Variants in DIP2C observed in about 807,000 individuals in gnomAD.
DIP2C encodes the protein disco-interacting protein 2 homolog C.
DIP2C carries 33 observed loss-of-function variants against 192.4 expected under a neutral mutation model. That is an observed-to-expected ratio of 0.17 (90% CI 0.13 to 0.23). The LOEUF (loss-of-function observed/expected upper bound fraction) is 0.23, where lower values mean the gene tolerates loss of function less well. Ranked by LOEUF, DIP2C falls within the 10% of genes least tolerant of loss-of-function variation. The probability of loss-of-function intolerance (pLI) is 1.00; values close to 1 mark genes in which losing one functional copy is unlikely to be tolerated. For synonymous variants in DIP2C, 979 were observed against 864.1 expected (o/e 1.13, Z -2.33); for missense variants, 1,537 against 2,110.1 (o/e 0.73, Z 5.32).
chr10:610,548 CTGAAAATATGTACATATATTA>C (rs1853022721), intron 1 of DIP2C, among the ~76,000 whole-genome samples: 1 of 152,350 alleles, frequency 6.6e-6, no homozygotes, highest in South Asian at 2.1e-4. Context: ...CACATGCACC[CTGAAAATATGTACATATATTA>C]TGTATCAACA....
chr10:491,393 GCT>G (rs1305395413), intron 1 of DIP2C, among the ~76,000 whole-genome samples: 1 of 152,228 alleles, frequency 6.6e-6, no homozygotes, highest in African/African-American at 2.4e-5. Context: ...TGGTGCTGCT[GCT>G]CTGAGCCTAT....
At chr10:285,741 G>A (rs554527159) in intron 34 of DIP2C, among the ~76,000 whole-genome samples, 15 of 152,368 alleles carry the variant, frequency 9.8e-5, no homozygotes, top group African/African-American at 3.6e-4. Context: ...CCGCCAGTGC[G>A]GAGGGGCACA....
intron 18 of DIP2C, 38 bp from the exon 19 acceptor site, chr10:366,449 G>A (rs1960220238): frequency 1.9e-6 from 3 of 1,612,912 alleles, no homozygotes; most frequent in African/African-American, 2.7e-5. Flanking sequence ...GTGTGAGAGG[G>A]GGCAGGTGGG....
chr10:277,163 C>T lies in DIP2C; in HGVS notation c.*162G>A, dbSNP rs760148791. 6.0e-5 allele frequency: 62 copies of T among 1,041,560 alleles called. No individual in the cohort carries two copies. The highest frequency in any genetic ancestry group is 2.2e-4 in the Admixed American group (8 of 36,462). The allele number at this position is 1,041,560 out of a possible 1,614,324, so 64.5% of individuals were successfully genotyped here. On this transcript the variant is annotated 3_prime_UTR_variant, in exon 37 of 37. Coordinates refer to ENST00000280886, the MANE Select transcript of DIP2C (RefSeq NM_014974.3). ...ATTCACATTTCACCCCCATGCCAAT[C>T]GTGGCTGCTGTGAGAAGTCCTCTTC...
chr10:578,125 C>G (rs79939472), intron 1 of DIP2C, among the ~76,000 whole-genome samples: 1,607 of 152,282 alleles, frequency 0.011, 31 homozygotes, highest in African/African-American at 0.037. Flanking sequence ...TACTCGAAAG[C>G]TCTCTATTCT....
rs570454975 is a variant in DIP2C at position 504,488 on chromosome 10, G to A, written c.86-17958C>T. Among the ~76,000 whole-genome samples the A allele has an allele frequency of 2.8e-4, 43 of 152,296 alleles. 1 individual carries two copies. In the South Asian group the frequency reaches 6.8e-3, roughly 24 times the overall value. On this transcript the variant is annotated intron_variant, in intron 1 of 36. Transcript: ENST00000280886. Reference sequence around the variant, plus strand: ...ATCCCTAGCACAGCCACCTTAGGCCGGGAGAGCGAGGATGGGACTCAGAAG... The same window carrying A: ...ATCCCTAGCACAGCCACCTTAGGCCAGGAGAGCGAGGATGGGACTCAGAAG...
At chr10:422,676 A>C in intron 5 of DIP2C, 148 bp downstream of exon 5, 1 of 954,178 alleles carries the variant, frequency 1.0e-6, no homozygotes, top group Non-Finnish European at 1.5e-6. Flanking sequence ...CAGCTTCCAG[A>C]AACAATCCAG....
rs558120711 is a variant in DIP2C at position 622,620 on chromosome 10, CGCCGATGGGCCAAT to C, written c.85+66860_85+66873del. 4.5e-3 allele frequency among the ~76,000 whole-genome samples: 687 copies of C among 152,288 alleles called. 10 individuals carry two copies. Among genetic ancestry groups the C allele is most frequent in the African/African-American group, 0.015 (626 of 41,560 alleles). ...CCTAAAGCACCATGCCTTGCCCTTT[CGCCGATGGGCCAAT>C]GCCTCTCTATGCTTGAGTCCATTTG... is the stretch of plus-strand genomic sequence containing the variant. On this transcript the variant is annotated intron_variant, in intron 1 of 36. Transcript: ENST00000280886.
intron 1 of DIP2C, among the ~76,000 whole-genome samples, chr10:577,778 G>A (rs1038894919): frequency 6.6e-6 from 1 of 151,928 alleles, no homozygotes; most frequent in Non-Finnish European, 1.5e-5. Flanking sequence ...ACTTGGCTGA[G>A]ACTAAACCCA....
chr10:400,247 TC>T lies in DIP2C; in HGVS notation c.1150-1029del, dbSNP rs368361493. 1.3e-4 allele frequency among the ~76,000 whole-genome samples: 20 copies of T among 152,262 alleles called. No homozygotes were observed. The East Asian group carries it at 3.3e-3, about 25-fold the overall frequency. On this transcript the variant is annotated intron_variant, in intron 9 of 36. Coordinates refer to ENST00000280886, the MANE Select transcript of DIP2C (RefSeq NM_014974.3). The stretch of plus-strand genomic sequence containing the variant: ...TATGTTGCCCAGGCTGGCCTCAAAC[TC>T]CTGGCCTCAAGCGATTCTCCTGCCT...
At position 387,860 on chromosome 10, in the gene DIP2C, A is replaced by C. The variant is rs1249960678; in HGVS notation, c.1598-51T>G. ...TTTTTACTTAGGACAGGGCGGCAAC[A>C]GATCAAAATGCAAACAAAATCCAAT... On this transcript the variant is annotated intron_variant, in intron 13 of 36. Coordinates refer to ENST00000280886, the MANE Select transcript of DIP2C (RefSeq NM_014974.3). The C allele has an allele frequency of 1.9e-6, 3 of 1,578,208 alleles. No homozygotes were observed. The African/African-American group carries it at 4.0e-5, about 21-fold the overall frequency.
intron 22 of DIP2C, among the ~76,000 whole-genome samples, chr10:358,558 C>T (rs1404709821): frequency 2.1e-5 from 2 of 93,716 alleles, no homozygotes; most frequent in South Asian, 5.4e-4. Context: ...TATCCATGAG[C>T]GATGAGATGA....
At chr10:314,375 A>G (rs1956686882) in intron 31 of DIP2C, among the ~76,000 whole-genome samples, 1 of 152,042 alleles carries the variant, frequency 6.6e-6, no homozygotes, top group Non-Finnish European at 1.5e-5. Context: ...GCCTCTTCCC[A>G]TCTTTCCTGA....
At chr10:357,218 G>A (rs138038739) in intron 23 of DIP2C, among the ~76,000 whole-genome samples, 3 of 152,232 alleles carry the variant, frequency 2.0e-5, no homozygotes, top group Non-Finnish European at 2.9e-5. Context: ...AATGGGGACC[G>A]TGGACGCACA....
chr10:488,933 G>C (rs914189174), intron 1 of DIP2C, among the ~76,000 whole-genome samples: 5 of 152,212 alleles, frequency 3.3e-5, no homozygotes, highest in African/African-American at 9.7e-5. Flanking sequence ...GACGCAGAGA[G>C]ACCTGCAGGT....
At chr10:662,002 C>T in intron 1 of DIP2C, 1 of 712,674 alleles carries the variant, frequency 1.4e-6, no homozygotes. Context: ...CTCTCCTCCT[C>T]TCGCCATGGC....
intron 1 of DIP2C, among the ~76,000 whole-genome samples, chr10:679,436 C>T (rs113855479): frequency 0.68 from 15,834 of 23,448 alleles, 6,894 homozygotes; most frequent in Non-Finnish European, 0.91. Flanking sequence ...CATCTGTACT[C>T]CCCACACCCA....
intron 1 of DIP2C, among the ~76,000 whole-genome samples, chr10:538,302 G>A (rs1412330163): frequency 6.6e-6 from 1 of 152,002 alleles, no homozygotes; most frequent in Non-Finnish European, 1.5e-5. Context: ...GACTACAGGT[G>A]TGCACCACCA....
In DIP2C at chr10:559,024, A is replaced by T. The variant is rs373102669; in HGVS notation, c.86-72494T>A. ...TGGGGCCAAGGAGTGGTTTCCAAGG[A>T]ATCTCAGAGGTTTTCAAGGTCTTGC... On this transcript the variant is annotated intron_variant, in intron 1 of 36. Coordinates refer to ENST00000280886, the MANE Select transcript of DIP2C (RefSeq NM_014974.3). Among the ~76,000 whole-genome samples, 27 of 149,384 alleles carry T rather than the reference A, an allele frequency of 1.8e-4. No homozygotes were observed. The East Asian group carries it at 4.6e-3, about 26-fold the overall frequency.
Sources: gnomAD v4.1 joint callset for allele counts (sites outside exome capture counted in the v4.1 genomes callset) on GRCh38, gnomAD v4.1.1 for gene constraint, MANE v1.5 for transcripts, NCBI Gene and HGNC (gene_info 2026-07-23, HGNC 2026-07-21) for gene names.